Variants in FBN1 observed in about 807,000 individuals in gnomAD.
FBN1 encodes the protein fibrillin-1.
FBN1 carries 29 observed loss-of-function variants against 365.1 expected under a neutral mutation model. The observed-to-expected ratio is 0.08, with a 90% confidence interval of 0.06 to 0.11. FBN1 has a LOEUF of 0.11. Ranked by LOEUF, FBN1 falls within the 10% of genes least tolerant of loss-of-function variation. FBN1 has a pLI of 1.00. For synonymous variants in FBN1, 1,210 were observed against 1,270.5 expected (o/e 0.95, Z 1.01); for missense variants, 2,476 against 3,703.2 (o/e 0.67, Z 8.60).
intron 6 of FBN1, among the ~76,000 whole-genome samples, chr15:48,564,666 T>G (rs1390687208): frequency 6.6e-6 from 1 of 152,208 alleles, no homozygotes; most frequent in Non-Finnish European, 1.5e-5. Context: ...AAATCCTAGT[T>G]TCTCACTATC....
intron 2 of FBN1, among the ~76,000 whole-genome samples, chr15:48,636,176 A>T (rs1890086926): frequency 6.6e-6 from 1 of 152,178 alleles, no homozygotes; most frequent in African/African-American, 2.4e-5. Context: ...ATGCGATTCC[A>T]GGCTAAGTTT....
chr15:48,489,338 C>T (rs199543037), intron 25 of FBN1, among the ~76,000 whole-genome samples: 5 of 151,576 alleles, frequency 3.3e-5, no homozygotes, highest in East Asian at 2.0e-4. Flanking sequence ...CATGAGCCAC[C>T]GCATCCAGCT....
intron 2 of FBN1, among the ~76,000 whole-genome samples, chr15:48,629,752 T>A (rs1379462752): frequency 6.6e-6 from 1 of 152,254 alleles, no homozygotes; most frequent in Non-Finnish European, 1.5e-5. Context: ...TTTGAAATTA[T>A]CCACATCTGT....
intron 32 of FBN1, among the ~76,000 whole-genome samples, chr15:48,475,200 A>C (rs947844931): frequency 1.3e-5 from 2 of 152,158 alleles, no homozygotes; most frequent in Non-Finnish European, 2.9e-5. Flanking sequence ...TGCTAATTTA[A>C]GCATTTGCAG....
Position 48,644,816 on chromosome 15 carries a change from G to A in FBN1, c.-47C>T, listed in dbSNP as rs749828806. On this transcript the variant is annotated 5_prime_UTR_variant, in exon 2 of 66. Coordinates refer to ENST00000316623, the MANE Select transcript of FBN1 (RefSeq NM_000138.5). ...CCCGCCGCCTCTTGCCGCGCCCGGGGCTCGGTCTGCGGCCGCCGCTGCGCC... is the reference window on the plus strand; with the variant it reads ...CCCGCCGCCTCTTGCCGCGCCCGGGACTCGGTCTGCGGCCGCCGCTGCGCC... 10 of 1,575,864 alleles carry A rather than the reference G, an allele frequency of 6.3e-6. No individual in the cohort carries two copies. The highest frequency in any genetic ancestry group is 8.6e-6 in the Non-Finnish European group (10 of 1,165,920).
intron 9 of FBN1, among the ~76,000 whole-genome samples, chr15:48,522,066 T>C (rs1032086539): frequency 3.9e-5 from 6 of 152,204 alleles, no homozygotes; most frequent in African/African-American, 1.4e-4. Context: ...TGAACCCTAT[T>C]GTGAACTGCG....
intron 6 of FBN1, among the ~76,000 whole-genome samples, chr15:48,567,288 A>G (rs536436257): frequency 1.3e-5 from 2 of 152,290 alleles, no homozygotes; most frequent in East Asian, 3.9e-4. Context: ...ATATTTTTGT[A>G]TGACTTTTCT....
In FBN1 at chr15:48,469,093, TAAAATATA is replaced by T. The variant is rs1566904923; in HGVS notation, c.4460-567_4460-560del. Among the ~76,000 whole-genome samples the T allele has an allele frequency of 5.1e-3, 531 of 103,302 alleles. 9 individuals carry two copies. The highest frequency in any genetic ancestry group is 0.02 in the African/African-American group (502 of 25,072). 67.8% of individuals were successfully genotyped at this position (103,302 alleles called of 152,430 possible). ...AAAAAAAAAAAAATATATATATATA[TAAAATATA>T]ATATATATTACATATATATATAAAA... On this transcript the variant is annotated intron_variant, in intron 36 of 65. Transcript: ENST00000316623.
chr15:48,530,314 C>T (rs998024410), intron 8 of FBN1, among the ~76,000 whole-genome samples: 1 of 150,938 alleles, frequency 6.6e-6, no homozygotes, highest in Non-Finnish European at 1.5e-5. Flanking sequence ...AAAATGGAGT[C>T]TGAATTCTTA....
chr15:48,575,274 T>C (rs2044336043), intron 6 of FBN1, among the ~76,000 whole-genome samples: 1 of 152,234 alleles, frequency 6.6e-6, no homozygotes, highest in African/African-American at 2.4e-5. Context: ...GGCAAGGAAA[T>C]GGTAAACCAG....
At position 48,420,909 on chromosome 15, in the gene FBN1, T is replaced by C. The variant is rs575578375; in HGVS notation, c.7700-103A>G. ...GGCCCCTACACATCCTACACATTAT[T>C]CTACCACCAAAAACTTCAAGAATCT... On this transcript the variant is annotated intron_variant, in intron 62 of 65. Coordinates refer to ENST00000316623, the MANE Select transcript of FBN1 (RefSeq NM_000138.5). 3.7e-6 allele frequency: 5 copies of C among 1,342,576 alleles called. No homozygotes were observed. The South Asian group carries it at 4.9e-5, about 13-fold the overall frequency. 83.2% of individuals were successfully genotyped at this position (1,342,576 alleles called of 1,614,324 possible).
In FBN1 at chr15:48,464,372, G is replaced by T. The variant is rs189916093; in HGVS notation, c.4943-351C>A. On this transcript the variant is annotated intron_variant, in intron 40 of 65. Coordinates refer to ENST00000316623, the MANE Select transcript of FBN1 (RefSeq NM_000138.5). ...CTAAAAATACAAAAATTAGCCAGGC[G>T]TGGTGGTGCACACCTGTAGTCCCAG... 5.0e-3 allele frequency among the ~76,000 whole-genome samples: 757 copies of T among 152,162 alleles called. 6 individuals are homozygous for T. Among genetic ancestry groups the T allele is most frequent in the African/African-American group, 0.017 (726 of 41,512 alleles).
At chr15:48,471,693 G>C (rs1006189874) in intron 35 of FBN1, among the ~76,000 whole-genome samples, 2 of 152,218 alleles carry the variant, frequency 1.3e-5, no homozygotes, top group African/African-American at 4.8e-5. Flanking sequence ...GACTGATTTT[G>C]AGTTCACGTC....
At chr15:48,499,314 T>C (rs1360613134) in intron 17 of FBN1, among the ~76,000 whole-genome samples, 2 of 152,350 alleles carry the variant, frequency 1.3e-5, no homozygotes, top group South Asian at 2.1e-4. Flanking sequence ...TATAACTTGA[T>C]TTTGTTCACC....
intron 8 of FBN1, among the ~76,000 whole-genome samples, chr15:48,532,211 A>C (rs1181701522): frequency 1.3e-5 from 2 of 152,252 alleles, no homozygotes. Flanking sequence ...AATTCTACTC[A>C]GGCTGGAAGC....
chr15:48,638,788 AC>A (rs1226995335), intron 2 of FBN1, among the ~76,000 whole-genome samples: 1 of 152,194 alleles, frequency 6.6e-6, no homozygotes, highest in Non-Finnish European at 1.5e-5. Flanking sequence ...ACTTCTTGCA[AC>A]CCTATTCAGA....
chr15:48,538,766 G>C (rs1185470317), intron 6 of FBN1, among the ~76,000 whole-genome samples: 1 of 152,072 alleles, frequency 6.6e-6, no homozygotes, highest in African/African-American at 2.4e-5. Flanking sequence ...AAGACTCATG[G>C]GCTTCTATCC....
At chr15:48,489,195 T>C (rs1436357034) in intron 25 of FBN1, among the ~76,000 whole-genome samples, 3 of 133,594 alleles carry the variant, frequency 2.2e-5, no homozygotes, top group East Asian at 4.7e-4. Flanking sequence ...CCACCATGCC[T>C]AGATATTTTT....
chr15:48,439,358 A>C (rs911548628), intron 50 of FBN1, among the ~76,000 whole-genome samples: 3 of 152,206 alleles, frequency 2.0e-5, no homozygotes, highest in Non-Finnish European at 4.4e-5. Flanking sequence ...ATCCTTCTGA[A>C]GGTCAAGAGC....
Sources: gnomAD v4.1 joint callset for allele counts (sites outside exome capture counted in the v4.1 genomes callset) on GRCh38, gnomAD v4.1.1 for gene constraint, MANE v1.5 for transcripts, NCBI Gene and HGNC (gene_info 2026-07-23, HGNC 2026-07-21) for gene names.